Variants in MPPED2 observed in about 807,000 individuals in gnomAD.
MPPED2 encodes metallophosphoesterase MPPED2.
MPPED2 carries 5 observed loss-of-function variants against 33.0 expected under a neutral mutation model. That is an observed-to-expected ratio of 0.15 (90% CI 0.08 to 0.32). The LOEUF is 0.32. Among genes scored for constraint, MPPED2 ranks in the 10% least tolerant of loss-of-function variants. MPPED2 has a pLI of 1.00. For synonymous variants in MPPED2, 136 were observed against 141.9 expected (o/e 0.96, Z 0.29); for missense variants, 275 against 372.1 (o/e 0.74, Z 2.15).
At chr11:30,403,429 T>C (rs1400978272) in intron 6 of MPPED2, among the ~76,000 whole-genome samples, 1 of 152,230 alleles carries the variant, frequency 6.6e-6, no homozygotes, top group Non-Finnish European at 1.5e-5. Flanking sequence ...AGAAACAATG[T>C]GTGATGAGTA....
intron 2 of MPPED2, 125 bp downstream of exon 2, chr11:30,580,121 T>C (rs114103480): frequency 1.1e-6 from 1 of 917,562 alleles, no homozygotes; most frequent in Non-Finnish European, 1.6e-6. Flanking sequence ...ACCACAGATA[T>C]CCATCTGATT....
intron 4 of MPPED2, among the ~76,000 whole-genome samples, chr11:30,485,715 T>G (rs1951715103): frequency 6.6e-6 from 1 of 152,146 alleles, no homozygotes; most frequent in Admixed American, 6.5e-5. Flanking sequence ...AGCAATAATT[T>G]TTTTGGAGAA....
At chr11:30,471,925 C>T (rs1950962573) in intron 4 of MPPED2, among the ~76,000 whole-genome samples, 1 of 152,014 alleles carries the variant, frequency 6.6e-6, no homozygotes, top group African/African-American at 2.4e-5. Context: ...TCAGAATAAT[C>T]TCTATAAACC....
At chr11:30,487,044 A>C (rs1565116291) in intron 4 of MPPED2, among the ~76,000 whole-genome samples, 1 of 152,232 alleles carries the variant, frequency 6.6e-6, no homozygotes, top group Non-Finnish European at 1.5e-5. Flanking sequence ...AGCATCTACT[A>C]TGTGCCAGGC....
intron 4 of MPPED2, among the ~76,000 whole-genome samples, chr11:30,444,861 G>C (rs1949734951): frequency 6.6e-6 from 1 of 152,124 alleles, no homozygotes; most frequent in Admixed American, 6.6e-5. Flanking sequence ...ACCAGCCCCT[G>C]CACTACCTTA....
At chr11:30,551,941 T>A (rs948312993) in intron 2 of MPPED2, among the ~76,000 whole-genome samples, 2 of 152,076 alleles carry the variant, frequency 1.3e-5, no homozygotes, top group African/African-American at 4.8e-5. Context: ...GTTTTGTTGT[T>A]TTTCTGCCTC....
chr11:30,411,267 A>T lies in MPPED2; in HGVS notation c.*201T>A, dbSNP rs540242608. 4.5e-5 allele frequency: 55 copies of T among 1,214,606 alleles called. No individual in the cohort carries two copies. The highest frequency in any genetic ancestry group is 5.5e-5 in the Non-Finnish European group (53 of 972,112). 75.2% of individuals were successfully genotyped at this position (1,214,606 alleles called of 1,614,324 possible). On this transcript the variant is annotated 3_prime_UTR_variant, in exon 7 of 7. Coordinates refer to ENST00000358117, the MANE Select transcript of MPPED2 (RefSeq NM_001584.3). ...AAAACAGAAGTCATTTTACAAATTC[A>T]CAATGTTCCTCTGATTTCAAATGGA...
chr11:30,436,383 C>T (rs994046227), intron 4 of MPPED2, among the ~76,000 whole-genome samples: 3 of 152,146 alleles, frequency 2.0e-5, no homozygotes, highest in Non-Finnish European at 4.4e-5. Context: ...AAAGAACTTG[C>T]ACTTCTAACA....
chr11:30,394,495 G>T (rs1481856123), intron 6 of MPPED2, among the ~76,000 whole-genome samples: 3 of 151,910 alleles, frequency 2.0e-5, no homozygotes, highest in African/African-American at 7.3e-5. Flanking sequence ...TCTCATTGTG[G>T]TTTTAATTTG....
At chr11:30,510,799 G>T (rs551580785) in intron 3 of MPPED2, among the ~76,000 whole-genome samples, 69 of 152,278 alleles carry the variant, frequency 4.5e-4, no homozygotes, top group African/African-American at 1.4e-3. Context: ...AGGTATTTTT[G>T]CAGGGCTTAA....
In MPPED2 at chr11:30,553,701, TAA is replaced by T. The variant is rs376876172; in HGVS notation, c.129-17528_129-17527del. 1.9e-3 allele frequency among the ~76,000 whole-genome samples: 287 copies of T among 152,184 alleles called. 1 individual carries two copies. Among genetic ancestry groups the T allele is most frequent in the Middle Eastern group, 6.8e-3 (2 of 294 alleles). ...TGGAAAACAATGGGCTTTGTCAGGATAAGAGCTGGGCCTGAATTCTGATTCAA... is the reference window on the plus strand; with the variant it reads ...TGGAAAACAATGGGCTTTGTCAGGATGAGCTGGGCCTGAATTCTGATTCAA... On this transcript the variant is annotated intron_variant, in intron 2 of 6. Coordinates refer to ENST00000358117, the MANE Select transcript of MPPED2 (RefSeq NM_001584.3).
chr11:30,485,973 T>C (rs773857592), intron 4 of MPPED2, among the ~76,000 whole-genome samples: 1 of 152,264 alleles, frequency 6.6e-6, no homozygotes, highest in African/African-American at 2.4e-5. Flanking sequence ...TGCAGGCTCA[T>C]CAGAAGGGGC....
chr11:30,495,478 A>G lies in MPPED2; in HGVS notation c.354T>C (p.His118=), dbSNP rs760647855. Residue 118 remains histidine (H), a synonymous_variant, in exon 4 of 7, where the codon CAT becomes CAC. Coordinates refer to ENST00000358117, the MANE Select transcript of MPPED2 (RefSeq NM_001584.3). ...TGAATTCCTTATCAAATGTCAGTTC[A>G]TGATTCCCAGCAATCACTATTTTAT... ...YEYKIVIAGN[H]ELTFDKEFMA... is the part of the protein sequence containing the mutation. 2.5e-6 allele frequency: 4 copies of G among 1,614,172 alleles called. No homozygotes were observed. The highest frequency in any genetic ancestry group is 1.1e-5 in the South Asian group (1 of 91,076).
At chr11:30,548,648 C>A (rs1362022713) in intron 2 of MPPED2, among the ~76,000 whole-genome samples, 5 of 152,134 alleles carry the variant, frequency 3.3e-5, no homozygotes, top group African/African-American at 1.2e-4. Flanking sequence ...ATGGGTAGAT[C>A]TTCACAAAAG....
At position 30,414,299 on chromosome 11, in the gene MPPED2, C is replaced by T. The variant is rs1304633817; in HGVS notation, c.695G>A (p.Cys232Tyr). ...WVPKELQRVG[C>Y]VELLNTVQRR... is the part of the protein sequence containing the mutation. ...CTGAACCGTGTTTAACAGCTCCACA[C>T]AGCCCACTCTTTGAAGCTCCTTTGG... Residue 232 changes from cysteine (C) to tyrosine (Y), a missense_variant, in exon 6 of 7, where the codon TGT becomes TAT. Cys to Tyr is a radical substitution (Grantham distance 194). Coordinates refer to ENST00000358117, the MANE Select transcript of MPPED2 (RefSeq NM_001584.3). 6.2e-7 allele frequency: 1 copy of T among 1,614,064 alleles called. No homozygotes were observed. The highest frequency in any genetic ancestry group is 1.1e-5 in the South Asian group (1 of 91,080).
intron 4 of MPPED2, among the ~76,000 whole-genome samples, chr11:30,451,348 G>T (rs1233527619): frequency 6.6e-6 from 1 of 152,166 alleles, no homozygotes; most frequent in Non-Finnish European, 1.5e-5. Flanking sequence ...AAGGACCTTG[G>T]CTGTCAAGAC....
chr11:30,470,819 G>A (rs913053591), intron 4 of MPPED2, among the ~76,000 whole-genome samples: 1 of 152,008 alleles, frequency 6.6e-6, no homozygotes, highest in African/African-American at 2.4e-5. Context: ...TTCAATGGCC[G>A]CTTCTTTCCT....
intron 2 of MPPED2, among the ~76,000 whole-genome samples, chr11:30,576,263 A>T (rs900125983): frequency 8.5e-5 from 13 of 152,202 alleles, no homozygotes; most frequent in Non-Finnish European, 2.9e-5. Context: ...GCAAATGTTA[A>T]ACCCGGTAAT....
intron 4 of MPPED2, among the ~76,000 whole-genome samples, chr11:30,438,609 C>A (rs538176069): frequency 1.1e-4 from 16 of 152,294 alleles, no homozygotes; most frequent in South Asian, 1.0e-3. Flanking sequence ...ATTTTTTAAA[C>A]CCATACATAA....
Sources: gnomAD v4.1 joint callset for allele counts (sites outside exome capture counted in the v4.1 genomes callset) on GRCh38, gnomAD v4.1.1 for gene constraint, MANE v1.5 for transcripts, NCBI Gene and HGNC (gene_info 2026-07-23, HGNC 2026-07-21) for gene names.